MMP26: variants seen among roughly 807,000 people sequenced by gnomAD.
MMP26 encodes the protein matrix metallopeptidase 26.
In MMP26, 33 loss-of-function variants were observed where a neutral mutation model predicts 31.0. That is an observed-to-expected ratio of 1.06 (90% CI 0.81 to 1.42). The LOEUF (loss-of-function observed/expected upper bound fraction) is 1.42. Among genes scored for constraint, MMP26 ranks in the 40% most tolerant of loss-of-function variants. MMP26 has a pLI of 0.00. For missense variants in MMP26, 347 were observed against 316.1 expected (o/e 1.10, Z -0.74); for synonymous variants, 122 against 114.9 (o/e 1.06, Z -0.40).
intron 2 of MMP26, among the ~76,000 whole-genome samples, chr11:4,864,967 T>G (rs1850214958): frequency 6.6e-6 from 1 of 152,150 alleles, no homozygotes; most frequent in African/African-American, 2.4e-5. Context: ...TTCACAGTTT[T>G]AATTTTTTCA....
At chr11:4,922,751 C>T (rs1162567750) in intron 2 of MMP26, among the ~76,000 whole-genome samples, 1 of 152,144 alleles carries the variant, frequency 6.6e-6, no homozygotes, top group East Asian at 1.9e-4. Context: ...TCAATTACAT[C>T]TTTTGAGGAT....
chr11:4,957,477 C>T (rs1032206298), intron 2 of MMP26, among the ~76,000 whole-genome samples: 10 of 152,136 alleles, frequency 6.6e-5, no homozygotes, highest in African/African-American at 1.7e-4. Context: ...GGCAGCATAG[C>T]TTCCAACTTG....
intron 2 of MMP26, among the ~76,000 whole-genome samples, chr11:4,975,663 T>C (rs566957701): frequency 6.6e-6 from 1 of 152,182 alleles, no homozygotes; most frequent in South Asian, 2.1e-4. Flanking sequence ...GGCTTTTGTA[T>C]GAAACACAGC....
intron 2 of MMP26, chr11:4,787,476 C>A (rs1305492621): frequency 6.6e-6 from 1 of 152,294 alleles, no homozygotes; most frequent in Non-Finnish European, 1.5e-5. Context: ...AGGCCTTCGA[C>A]ACTTGTGGAT....
intron 2 of MMP26, among the ~76,000 whole-genome samples, chr11:4,972,002 C>G (rs1846672440): frequency 6.6e-6 from 1 of 152,134 alleles, no homozygotes; most frequent in Non-Finnish European, 1.5e-5. Flanking sequence ...ACACTAGGCC[C>G]CATCTCCAAC....
chr11:4,947,766 G>A (rs1408813918), intron 2 of MMP26, among the ~76,000 whole-genome samples: 1 of 125,258 alleles, frequency 8.0e-6, no homozygotes, highest in Non-Finnish European at 1.8e-5. Context: ...ATTTGCAGAT[G>A]CAGTAAATCT....
chr11:4,810,306 A>ATGTCG (rs1410052845), intron 2 of MMP26, among the ~76,000 whole-genome samples: 1 of 54,674 alleles, frequency 1.8e-5, no homozygotes, highest in Non-Finnish European at 6.0e-5. Flanking sequence ...AACTGCTGAT[A>ATGTCG]TGTAAGTCGA....
intron 2 of MMP26, among the ~76,000 whole-genome samples, chr11:4,970,074 C>T (rs992163569): frequency 6.6e-5 from 10 of 151,972 alleles, no homozygotes; most frequent in Non-Finnish European, 1.0e-4. Context: ...AACACACAGA[C>T]GAGCCACAGA....
chr11:4,809,613 A>G (rs1849323452), intron 2 of MMP26, among the ~76,000 whole-genome samples: 1 of 152,248 alleles, frequency 6.6e-6, no homozygotes, highest in African/African-American at 2.4e-5. Flanking sequence ...ATCTGAAAAT[A>G]AGGCATAGAG....
intron 2 of MMP26, among the ~76,000 whole-genome samples, chr11:4,803,256 T>G (rs1209851437): frequency 6.6e-6 from 1 of 152,252 alleles, no homozygotes; most frequent in African/African-American, 2.4e-5. Context: ...ATCTCTCAGG[T>G]ATCTCTTTTC....
chr11:4,873,013 G>A (rs1052453195), intron 2 of MMP26, among the ~76,000 whole-genome samples: 3 of 152,042 alleles, frequency 2.0e-5, no homozygotes, highest in Non-Finnish European at 4.4e-5. Context: ...CTTTGCTAAA[G>A]GGTCTTGGAA....
intron 2 of MMP26, among the ~76,000 whole-genome samples, chr11:4,807,988 T>C (rs550245428): frequency 1.3e-5 from 2 of 152,084 alleles, no homozygotes; most frequent in East Asian, 3.9e-4. Context: ...GTATTTTTAA[T>C]AGAGACAGGG....
At chr11:4,754,080 C>A (rs1228274555) in intron 1 of MMP26, among the ~76,000 whole-genome samples, 2 of 148,030 alleles carry the variant, frequency 1.4e-5, no homozygotes, top group African/African-American at 2.5e-5. Context: ...AGTCTTATGA[C>A]AAACCTAAAA....
chr11:4,871,383 C>A (rs1014229670), intron 2 of MMP26, among the ~76,000 whole-genome samples: 3 of 151,972 alleles, frequency 2.0e-5, no homozygotes, highest in Admixed American at 6.6e-5. Flanking sequence ...TCAGCTTTTT[C>A]TTTTTAGACA....
intron 2 of MMP26, among the ~76,000 whole-genome samples, chr11:4,815,725 C>T (rs749376034): frequency 6.6e-6 from 1 of 152,202 alleles, no homozygotes; most frequent in South Asian, 2.1e-4. Context: ...TGAATTAAAA[C>T]TACTTATGGA....
intron 2 of MMP26, among the ~76,000 whole-genome samples, chr11:4,817,266 T>G (rs1364743169): frequency 6.6e-6 from 1 of 152,104 alleles, no homozygotes; most frequent in Non-Finnish European, 1.5e-5. Context: ...TTCCTTGCAC[T>G]CTGCATAGCA....
chr11:4,964,430 G>A (rs986569407), intron 2 of MMP26, among the ~76,000 whole-genome samples: 8 of 152,016 alleles, frequency 5.3e-5, no homozygotes, highest in Non-Finnish European at 1.5e-5. Context: ...GTAGGTATAT[G>A]GTCTTATTTC....
chr11:4,734,586 A>G (rs1393038838), intron 1 of MMP26, among the ~76,000 whole-genome samples: 1 of 152,002 alleles, frequency 6.6e-6, no homozygotes, highest in Non-Finnish European at 1.5e-5. Context: ...CGGCGTCTTC[A>G]CTTTCATTAA....
At chr11:4,870,335 A>G (rs562077870) in intron 2 of MMP26, among the ~76,000 whole-genome samples, 1 of 152,274 alleles carries the variant, frequency 6.6e-6, no homozygotes, top group East Asian at 1.9e-4. Context: ...TGTTGTTTAA[A>G]TAAATAATGA....
Sources: allele counts gnomAD v4.1 joint callset (sites outside exome capture counted in the v4.1 genomes callset), GRCh38; gene constraint gnomAD v4.1.1; transcripts MANE v1.5; gene names NCBI Gene and HGNC (gene_info 2026-07-23, HGNC 2026-07-21).